Variants in DOCK8 observed in about 807,000 individuals in gnomAD.
The protein encoded by DOCK8 is dedicator of cytokinesis protein 8.
A neutral mutation model predicts 245.6 loss-of-function variants in DOCK8; 141 were observed. The ratio of observed to expected loss-of-function variants is 0.57; its 90% CI spans 0.50 to 0.66. The LOEUF is 0.66. DOCK8 is among the 30% of genes least tolerant of loss of function. DOCK8 has a pLI of 0.00. For missense variants in DOCK8, 2,965 were observed against 2,603.4 expected (o/e 1.14, Z -3.02); for synonymous variants, 1,168 against 970.2 (o/e 1.20, Z -3.79).
At chr9:428,591 A>T in intron 35 of DOCK8, 95 bp downstream of exon 35, 1 of 1,480,346 alleles carries the variant, frequency 6.8e-7, no homozygotes, top group Non-Finnish European at 9.3e-7. Flanking sequence ...AAAGTCACAG[A>T]GCATATTAAG....
chr9:273,398 T>A (rs915661308), intron 2 of DOCK8, among the ~76,000 whole-genome samples: 2 of 152,226 alleles, frequency 1.3e-5, no homozygotes, highest in African/African-American at 4.8e-5. Context: ...GATATGCTTA[T>A]TGGTTTAATT....
At chr9:346,416 G>A (rs2051892476) in intron 14 of DOCK8, among the ~76,000 whole-genome samples, 1 of 152,176 alleles carries the variant, frequency 6.6e-6, no homozygotes, top group South Asian at 2.1e-4. Context: ...GCCGCCAGAG[G>A]GGTATGTGCG....
At chr9:240,655 CTTA>C (rs929126306) in intron 1 of DOCK8, among the ~76,000 whole-genome samples, 11 of 152,006 alleles carry the variant, frequency 7.2e-5, no homozygotes, top group Non-Finnish European at 1.5e-4. Context: ...ATTATATTCC[CTTA>C]TTATTGAATT....
intron 4 of DOCK8, among the ~76,000 whole-genome samples, chr9:291,114 G>A (rs1322192383): frequency 1.3e-5 from 2 of 152,054 alleles, no homozygotes; most frequent in East Asian, 3.8e-4. Context: ...TATCATTAGA[G>A]GTACTTTCTG....
chr9:228,603 G>A (rs575945055), intron 1 of DOCK8, among the ~76,000 whole-genome samples: 1 of 152,066 alleles, frequency 6.6e-6, no homozygotes, highest in East Asian at 1.9e-4. Context: ...GGCCCTACTC[G>A]CACTTTGAGT....
chr9:269,552 CTT>C (rs57326015), intron 1 of DOCK8, among the ~76,000 whole-genome samples: 5 of 104,980 alleles, frequency 4.8e-5, no homozygotes, highest in Non-Finnish European at 7.9e-5. Context: ...GTGTGGTTGT[CTT>C]TTTTTTTTTT....
At chr9:313,609 G>A (rs538740574) in intron 6 of DOCK8, among the ~76,000 whole-genome samples, 2 of 152,324 alleles carry the variant, frequency 1.3e-5, no homozygotes, top group Admixed American at 1.3e-4. Flanking sequence ...CAGGGGCTGT[G>A]GGGAGAGGGA....
chr9:382,489 A>T (rs769649566), intron 21 of DOCK8, 24 bp from the exon 22 acceptor site: 4 of 1,613,120 alleles, frequency 2.5e-6, no homozygotes, highest in Non-Finnish European at 3.4e-6. Flanking sequence ...GTCTGTTGAC[A>T]TGTCTCTGCC....
At chr9:439,439 A>G in intron 40 of DOCK8, 51 bp downstream of exon 40, 1 of 1,605,372 alleles carries the variant, frequency 6.2e-7, no homozygotes. Flanking sequence ...CTCCAGCTGG[A>G]CTTGGGGTGC....
At chr9:266,720 C>A (rs2048041533) in intron 1 of DOCK8, among the ~76,000 whole-genome samples, 1 of 152,162 alleles carries the variant, frequency 6.6e-6, no homozygotes, top group Non-Finnish European at 1.5e-5. Context: ...CCATCACCAC[C>A]ATTCTGACTC....
chr9:272,129 T>G (rs1040286386), intron 2 of DOCK8, among the ~76,000 whole-genome samples: 2 of 152,206 alleles, frequency 1.3e-5, no homozygotes, highest in African/African-American at 4.8e-5. Flanking sequence ...TAAAATAATT[T>G]TCTTGCTAGT....
chr9:444,016 G>A (rs1156574354), intron 43 of DOCK8, among the ~76,000 whole-genome samples: 2 of 152,124 alleles, frequency 1.3e-5, no homozygotes, highest in Admixed American at 1.3e-4. Context: ...TCCTTCTTTA[G>A]GCTGCAAGTA....
At chr9:393,684 A>G (rs1476499931) in intron 24 of DOCK8, among the ~76,000 whole-genome samples, 1 of 152,186 alleles carries the variant, frequency 6.6e-6, no homozygotes, top group African/African-American at 2.4e-5. Context: ...TAAACAGATG[A>G]AGTTTTTTGG....
intron 1 of DOCK8, among the ~76,000 whole-genome samples, chr9:230,879 T>C (rs1376331927): frequency 2.0e-5 from 3 of 152,172 alleles, no homozygotes; most frequent in Non-Finnish European, 2.9e-5. Context: ...GTAGTTTCTT[T>C]TGCTGTGCAG....
chr9:282,815 C>T (rs972488742), intron 2 of DOCK8, among the ~76,000 whole-genome samples: 1 of 152,192 alleles, frequency 6.6e-6, no homozygotes, highest in Non-Finnish European at 1.5e-5. Context: ...CTTCTACTCA[C>T]TAGTTTTACG....
intron 4 of DOCK8, among the ~76,000 whole-genome samples, chr9:301,205 G>A (rs971353026): frequency 2.0e-5 from 3 of 152,136 alleles, no homozygotes; most frequent in African/African-American, 7.2e-5. Context: ...ATCAATAAAT[G>A]AGACTCATCA....
chr9:255,244 A>G (rs1021735075), intron 1 of DOCK8, among the ~76,000 whole-genome samples: 2 of 152,338 alleles, frequency 1.3e-5, no homozygotes, highest in East Asian at 3.9e-4. Flanking sequence ...TCATCCTTAT[A>G]ACGATCCTGA....
chr9:434,911 T>C lies in DOCK8; in HGVS notation c.5015T>C (p.Val1672Ala). 1 of 1,613,832 alleles carries C rather than the reference T, an allele frequency of 6.2e-7. No homozygotes were observed. The highest frequency in any genetic ancestry group is 1.3e-5 in the African/African-American group (1 of 75,046). Residue 1672 changes from valine to alanine, a missense_variant, in exon 39 of 48, where the codon GTG becomes GCG. By Grantham distance (64) the Val-to-Ala change is moderately conservative (BLOSUM62 0). This residue lies in a region of DOCK8 where 2,825 missense variants were observed against 2,453.5 expected (regional missense o/e 1.15). Coordinates refer to ENST00000432829, the MANE Select transcript of DOCK8 (RefSeq NM_203447.4). ...AMCLVHAAAL[V>A]AEYLSMLEDH... is the part of the protein sequence containing the mutation. ...TGCCTGGTGCACGCCGCTGCGTTAG[T>C]GGCTGAGTATCTGAGCATGCTGGAG... is the stretch of plus-strand genomic sequence containing the variant.
At chr9:348,015 G>T (rs1354447910) in intron 14 of DOCK8, among the ~76,000 whole-genome samples, 1 of 152,098 alleles carries the variant, frequency 6.6e-6, no homozygotes, top group Non-Finnish European at 1.5e-5. Flanking sequence ...GCAAGACCAG[G>T]AAAAACTGAA....
Sources: gnomAD v4.1 joint callset for allele counts (sites outside exome capture counted in the v4.1 genomes callset) on GRCh38, gnomAD v4.1.1 for gene constraint, gnomAD v4.1.1 regional missense constraint, MANE v1.5 for transcripts, NCBI Gene and HGNC (gene_info 2026-07-23, HGNC 2026-07-21) for gene names.